STARD13: variants seen among roughly 807,000 people sequenced by gnomAD.
STARD13 encodes StAR related lipid transfer domain containing 13, also known as stAR-related lipid transfer protein 13.
In STARD13, 62 loss-of-function variants were observed where a neutral mutation model predicts 106.4. That is an observed-to-expected ratio of 0.58 (90% confidence interval 0.48 to 0.72). The LOEUF (loss-of-function observed/expected upper bound fraction) is 0.72, where lower values mean the gene tolerates loss of function less well. Ranked by LOEUF, STARD13 falls within the 30% of genes least tolerant of loss-of-function variation. STARD13 has a pLI of 0.00. For synonymous variants in STARD13, 565 were observed against 553.0 expected (o/e 1.02, Z -0.31); for missense variants, 1,387 against 1,424.0 (o/e 0.97, Z 0.42).
the STARD13 span, among the ~76,000 whole-genome samples, chr13:33,640,149 G>A: frequency 3.3e-5 from 5 of 152,172 alleles, no homozygotes; most frequent in African/African-American, 1.2e-4. Context: ...CCACAAGGGT[G>A]TCAGTGATTT....
chr13:33,609,085 C>CAAAAAAAAAAAAAAAAA, the STARD13 span, among the ~76,000 whole-genome samples: 6 of 50,572 alleles, frequency 1.2e-4, no homozygotes, highest in Admixed American at 1.9e-4. Context: ...GACTCCGTCT[C>CAAAAAAAAAAAAAAAAA]AAAAAAAAAA....
the STARD13 span, among the ~76,000 whole-genome samples, chr13:33,580,385 G>C: frequency 6.6e-6 from 1 of 152,210 alleles, no homozygotes; most frequent in African/African-American, 2.4e-5. Flanking sequence ...GTTGCCGTGG[G>C]CTTAGTGGGG....
the STARD13 span, among the ~76,000 whole-genome samples, chr13:33,468,563 A>G: frequency 6.6e-6 from 1 of 151,932 alleles, no homozygotes. Context: ...AAGTTCAGCC[A>G]TCTTTGCCCA....
chr13:33,397,042 G>C, the STARD13 span, among the ~76,000 whole-genome samples: 1 of 152,170 alleles, frequency 6.6e-6, no homozygotes, highest in Non-Finnish European at 1.5e-5. Flanking sequence ...GTAGGGAGCT[G>C]TGCAGACAAG....
the STARD13 span, among the ~76,000 whole-genome samples, chr13:33,605,919 T>C: frequency 1.3e-5 from 2 of 152,080 alleles, no homozygotes; most frequent in African/African-American, 2.4e-5. Flanking sequence ...GACTCTAGAG[T>C]CTGGGGTATG....
chr13:33,575,469 C>T, the STARD13 span, among the ~76,000 whole-genome samples: 1 of 152,106 alleles, frequency 6.6e-6, no homozygotes, highest in East Asian at 1.9e-4. Context: ...TGGTTGTTTT[C>T]ACCAAAACTC....
the STARD13 span, among the ~76,000 whole-genome samples, chr13:33,456,887 G>A: frequency 1.3e-5 from 2 of 152,294 alleles, no homozygotes; most frequent in African/African-American, 4.8e-5. Flanking sequence ...TTTGTAACAG[G>A]CTACAATGAC....
chr13:33,385,223 ATATATATATAT>A, the STARD13 span, among the ~76,000 whole-genome samples: 6 of 101,638 alleles, frequency 5.9e-5, no homozygotes, highest in Non-Finnish European at 1.1e-4. Context: ...TTCGGAATAT[ATATATATATAT>A]ATATATATAT....
At chr13:33,429,879 C>T in the STARD13 span, among the ~76,000 whole-genome samples, 278 of 150,356 alleles carry the variant, frequency 1.8e-3, 3 homozygotes, top group Non-Finnish European at 3.2e-3. Context: ...GCCATAATAA[C>T]CTAATTGTAT....
chr13:33,467,255 G>C, the STARD13 span, among the ~76,000 whole-genome samples: 1 of 151,866 alleles, frequency 6.6e-6, no homozygotes, highest in Non-Finnish European at 1.5e-5. Context: ...GGGGTGACGG[G>C]AGACAGTGAC....
At chr13:33,649,739 T>C in the STARD13 span, among the ~76,000 whole-genome samples, 1 of 152,094 alleles carries the variant, frequency 6.6e-6, no homozygotes, top group Non-Finnish European at 1.5e-5. Context: ...AAAATTGACC[T>C]TGGTAGTTAG....
chr13:33,288,649 T>C (rs1892171454), upstream of STARD13, among the ~76,000 whole-genome samples: 1 of 151,596 alleles, frequency 6.6e-6, no homozygotes, highest in Non-Finnish European at 1.5e-5. Flanking sequence ...GAATGAAGCC[T>C]CATTTTTTCA....
chr13:33,143,511 C>G (rs1487058677), intron 3 of STARD13, among the ~76,000 whole-genome samples: 2 of 152,172 alleles, frequency 1.3e-5, no homozygotes, highest in Non-Finnish European at 2.9e-5. Context: ...TACCTATTCT[C>G]TTGCTGATGG....
the STARD13 span, among the ~76,000 whole-genome samples, chr13:33,429,457 G>A: frequency 2.6e-5 from 4 of 152,114 alleles, no homozygotes; most frequent in African/African-American, 9.6e-5. Context: ...TTAGCTGGGT[G>A]TGGCGGCAGT....
the STARD13 span, among the ~76,000 whole-genome samples, chr13:33,500,256 C>A: frequency 6.6e-6 from 1 of 152,128 alleles, no homozygotes; most frequent in African/African-American, 2.4e-5. Flanking sequence ...AGGACTAGAA[C>A]CTAGGCCTGC....
intron 3 of STARD13, among the ~76,000 whole-genome samples, chr13:33,145,484 T>G (rs1880400569): frequency 6.6e-6 from 1 of 152,174 alleles, no homozygotes; most frequent in Admixed American, 6.5e-5. Context: ...CAGCTACTTA[T>G]GCAAGATAAA....
At chr13:33,455,135 C>T in the STARD13 span, among the ~76,000 whole-genome samples, 1 of 152,128 alleles carries the variant, frequency 6.6e-6, no homozygotes, top group African/African-American at 2.4e-5. Flanking sequence ...CAGAATATGG[C>T]CATAAGCCTA....
the STARD13 span, among the ~76,000 whole-genome samples, chr13:33,520,653 G>A: frequency 1.3e-5 from 2 of 151,972 alleles, no homozygotes; most frequent in Non-Finnish European, 2.9e-5. Context: ...AGCTGCTGTC[G>A]TGAGGATTTG....
chr13:33,110,084 C>G lies in STARD13; in HGVS notation c.2836G>C (p.Asp946His), dbSNP rs140868444. 23 of 1,614,058 alleles carry G rather than the reference C, an allele frequency of 1.4e-5. No individual in the cohort carries two copies. The South Asian group carries it at 2.0e-4, about 14-fold the overall frequency. ...TTCCACAGCTTCAGCGGGTTCCCGTCGCCCACCTTGGGAAAGACAACGTCA... is the reference window on the plus strand; with the variant it reads ...TTCCACAGCTTCAGCGGGTTCCCGTGGCCCACCTTGGGAAAGACAACGTCA... ...NTDLAFKKVG[D>H]GNPLKLWKAS... The change falls in exon 12 of 14, where the codon GAC becomes CAC. Residue 946 changes from aspartate to histidine, a missense_variant. Coordinates refer to ENST00000336934, the MANE Select transcript of STARD13 (RefSeq NM_178006.4).
Sources: allele counts gnomAD v4.1 joint callset (sites outside exome capture counted in the v4.1 genomes callset), GRCh38; gene constraint gnomAD v4.1.1; transcripts MANE v1.5; gene names NCBI Gene and HGNC (gene_info 2026-07-23, HGNC 2026-07-21).